Variants in GALNT13 observed in about 807,000 individuals in gnomAD.
The protein encoded by GALNT13 is polypeptide N-acetylgalactosaminyltransferase 13.
Under a neutral mutation model 64.2 loss-of-function variants are expected in GALNT13, and 28 were observed. The ratio of observed to expected loss-of-function variants is 0.44; its 90% CI spans 0.32 to 0.60. The LOEUF (loss-of-function observed/expected upper bound fraction) is 0.60. Ranked by LOEUF, GALNT13 falls within the 20% of genes least tolerant of loss-of-function variation. The pLI is 0.05. For synonymous variants in GALNT13, 214 were observed against 224.6 expected, an observed-to-expected ratio of 0.95 and a Z score of 0.42; for missense variants, 577 against 669.8, an observed-to-expected ratio of 0.86 and a Z score of 1.53.
intron 3 of GALNT13, among the ~76,000 whole-genome samples, chr2:154,004,908 A>G (rs1218099339): frequency 6.6e-6 from 1 of 152,210 alleles, no homozygotes; most frequent in African/African-American, 2.4e-5. Context: ...TATTGCTTGT[A>G]GTCTCAGAAA....
At chr2:153,549,747 C>T in the GALNT13 span, among the ~76,000 whole-genome samples, 1 of 152,080 alleles carries the variant, frequency 6.6e-6, no homozygotes, top group Non-Finnish European at 1.5e-5. Context: ...TGACTAAGTT[C>T]TGTGGTTGTT....
At chr2:153,341,073 T>A in the GALNT13 span, among the ~76,000 whole-genome samples, 1 of 152,228 alleles carries the variant, frequency 6.6e-6, no homozygotes, top group African/African-American at 2.4e-5. Context: ...ACCACCAGTT[T>A]AGTAAAGGAA....
chr2:153,186,000 T>C, the GALNT13 span, among the ~76,000 whole-genome samples: 1 of 152,056 alleles, frequency 6.6e-6, no homozygotes, highest in Non-Finnish European at 1.5e-5. Flanking sequence ...TGTGATCAGG[T>C]CCTGAATATC....
At chr2:154,181,357 A>G (rs1312849308) in intron 4 of GALNT13, among the ~76,000 whole-genome samples, 1 of 152,134 alleles carries the variant, frequency 6.6e-6, no homozygotes, top group Non-Finnish European at 1.5e-5. Flanking sequence ...AACACTCCTC[A>G]GCCTTGCTAC....
chr2:153,305,442 C>T, the GALNT13 span, among the ~76,000 whole-genome samples: 2 of 152,276 alleles, frequency 1.3e-5, no homozygotes, highest in East Asian at 3.9e-4. Flanking sequence ...CATAACTTCT[C>T]AGGATTTCGA....
chr2:153,400,115 T>A, the GALNT13 span, among the ~76,000 whole-genome samples: 1 of 152,016 alleles, frequency 6.6e-6, no homozygotes, highest in Admixed American at 6.6e-5. Context: ...ACCTAATTTA[T>A]TGAGAGTTTT....
intron 9 of GALNT13, among the ~76,000 whole-genome samples, chr2:154,358,580 A>G (rs932123614): frequency 1.3e-5 from 2 of 152,204 alleles, no homozygotes; most frequent in African/African-American, 4.8e-5. Flanking sequence ...ATACAATACT[A>G]CAAAGGAAAA....
intron 4 of GALNT13, among the ~76,000 whole-genome samples, chr2:154,228,654 A>G (rs1289585735): frequency 2.6e-5 from 4 of 152,174 alleles, no homozygotes; most frequent in Non-Finnish European, 2.9e-5. Flanking sequence ...TCTCAAATCT[A>G]TTTCCCTAAC....
intron 9 of GALNT13, among the ~76,000 whole-genome samples, chr2:154,321,177 A>G (rs1160069596): frequency 6.6e-6 from 1 of 152,044 alleles, no homozygotes; most frequent in Non-Finnish European, 1.5e-5. Flanking sequence ...GTACAGGAGG[A>G]AAAAAAGACC....
the GALNT13 span, among the ~76,000 whole-genome samples, chr2:153,433,964 T>A: frequency 7.9e-5 from 12 of 152,118 alleles, no homozygotes; most frequent in Non-Finnish European, 1.3e-4. Context: ...TATCTCCTAA[T>A]GCTATCCCTC....
At chr2:153,602,845 A>G in the GALNT13 span, among the ~76,000 whole-genome samples, 5 of 151,818 alleles carry the variant, frequency 3.3e-5, no homozygotes, top group Admixed American at 3.3e-4. Flanking sequence ...TGGGAAAGGA[A>G]AAAAGTAAGC....
At chr2:154,188,511 A>G (rs976560342) in intron 4 of GALNT13, among the ~76,000 whole-genome samples, 2 of 152,212 alleles carry the variant, frequency 1.3e-5, no homozygotes, top group Non-Finnish European at 2.9e-5. Context: ...AACAAAACAC[A>G]AAAAGATGCT....
intron 4 of GALNT13, among the ~76,000 whole-genome samples, chr2:154,177,778 T>TA (rs1037520106): frequency 3.3e-5 from 5 of 152,124 alleles, no homozygotes; most frequent in Admixed American, 6.5e-5. Flanking sequence ...TCTACATACA[T>TA]ACATATGAGG....
the GALNT13 span, among the ~76,000 whole-genome samples, chr2:153,774,005 T>C: frequency 0.33 from 50,928 of 152,046 alleles, 8,966 homozygotes; most frequent in Non-Finnish European, 0.36. Context: ...TGATATATAT[T>C]GATATAATCA....
At position 153,944,249 on chromosome 2, in the gene GALNT13, A is replaced by G. The variant is rs138855366; in HGVS notation, c.-104-145A>G. ...ACTAGCTTGCTAGCAACTTTCATTT[A>G]TTTAGGCTTTTAATTTTGGATTCGA... is the stretch of plus-strand genomic sequence containing the variant. On this transcript the variant is annotated intron_variant, in intron 2 of 12. Coordinates refer to ENST00000392825, the MANE Select transcript of GALNT13 (RefSeq NM_052917.4). 1.9e-3 allele frequency: 717 copies of G among 368,098 alleles called. 4 individuals carry two copies. The highest frequency in any genetic ancestry group is 0.014 in the African/African-American group (661 of 47,930). 22.8% of individuals were successfully genotyped at this position (368,098 alleles called of 1,614,324 possible). A position where few individuals can be genotyped will look rare whatever the true frequency, so the allele number is the denominator to read the frequency against.
chr2:153,255,967 A>G, the GALNT13 span, among the ~76,000 whole-genome samples: 6 of 152,050 alleles, frequency 3.9e-5, no homozygotes, highest in African/African-American at 9.6e-5. Context: ...TTCTCGAGGA[A>G]TATCTTTGTG....
intron 3 of GALNT13, among the ~76,000 whole-genome samples, chr2:153,994,241 T>G (rs1695366152): frequency 6.6e-6 from 1 of 152,214 alleles, no homozygotes; most frequent in Non-Finnish European, 1.5e-5. Flanking sequence ...ATGAAGGATA[T>G]GAACTCATCC....
At chr2:154,305,094 A>G (rs1693657651) in intron 9 of GALNT13, among the ~76,000 whole-genome samples, 1 of 152,240 alleles carries the variant, frequency 6.6e-6, no homozygotes, top group Non-Finnish European at 1.5e-5. Flanking sequence ...TCATCCAAAA[A>G]CAGATAAAAC....
At chr2:154,443,534 C>A (rs555965267) in intron 12 of GALNT13, among the ~76,000 whole-genome samples, 2 of 151,796 alleles carry the variant, frequency 1.3e-5, no homozygotes, top group Non-Finnish European at 2.9e-5. Context: ...TTTTACTATA[C>A]CAACTTTTAA....
Sources: allele counts gnomAD v4.1 joint callset (sites outside exome capture counted in the v4.1 genomes callset), GRCh38; gene constraint gnomAD v4.1.1; transcripts MANE v1.5; gene names NCBI Gene and HGNC (gene_info 2026-07-23, HGNC 2026-07-21).